PPP1R42: variants seen among roughly 807,000 people sequenced by gnomAD.
PPP1R42 encodes the protein protein phosphatase 1 regulatory subunit 42.
In PPP1R42, 34 loss-of-function variants were observed where a neutral mutation model predicts 31.0. The ratio of observed to expected loss-of-function variants is 1.10; its 90% CI spans 0.83 to 1.46. The LOEUF (loss-of-function observed/expected upper bound fraction) is 1.46, where lower values mean the gene tolerates loss of function less well. PPP1R42 is among the 40% of genes most tolerant of loss of function. The probability of loss-of-function intolerance (pLI) is 0.00; values close to 1 mark genes in which losing one functional copy is unlikely to be tolerated. For missense variants in PPP1R42, 268 were observed against 303.0 expected (o/e 0.88, Z 0.86); for synonymous variants, 103 against 109.8 (o/e 0.94, Z 0.39).
chr8:67,010,589 T>C (rs1403720958), intron 5 of PPP1R42, 126 bp downstream of exon 5: 4 of 683,800 alleles, frequency 5.8e-6, no homozygotes, highest in Non-Finnish European at 9.9e-6. Context: ...AGGGATTCAT[T>C]AGCTAATTTT....
At chr8:66,976,651 A>G (rs954642815) in intron 7 of PPP1R42, among the ~76,000 whole-genome samples, 1 of 150,984 alleles carries the variant, frequency 6.6e-6, no homozygotes, top group Non-Finnish European at 1.5e-5. Context: ...GAGTGAGAAC[A>G]TGCACCATTT....
At chr8:67,020,345 C>T (rs965922009) in intron 1 of PPP1R42, among the ~76,000 whole-genome samples, 2 of 152,022 alleles carry the variant, frequency 1.3e-5, no homozygotes, top group African/African-American at 4.8e-5. Flanking sequence ...GATTAACAGG[C>T]GCCTGCCACC....
intron 6 of PPP1R42, chr8:66,984,352 G>T: frequency 7.8e-7 from 1 of 1,287,544 alleles, no homozygotes; most frequent in Non-Finnish European, 1.1e-6. Context: ...ATCTCCCTTT[G>T]TGTTAGATGT....
At chr8:66,969,607 TA>T (rs1336452968) in intron 7 of PPP1R42, among the ~76,000 whole-genome samples, 1 of 152,148 alleles carries the variant, frequency 6.6e-6, no homozygotes, top group Non-Finnish European at 1.5e-5. Context: ...CTGCAGGGAA[TA>T]GGGGTAGGAC....
At chr8:67,018,848 G>T in intron 1 of PPP1R42, among the ~76,000 whole-genome samples, 2 of 95,210 alleles carry the variant, frequency 2.1e-5, no homozygotes, top group Non-Finnish European at 1.9e-5. Context: ...TTTTTTTTTA[G>T]GGACGGAGTC....
chr8:66,989,267 G>A (rs1055319171), intron 5 of PPP1R42, among the ~76,000 whole-genome samples: 1 of 152,182 alleles, frequency 6.6e-6, no homozygotes, highest in Non-Finnish European at 1.5e-5. Context: ...CCAAATAAAT[G>A]TAAGGAAAAC....
intron 6 of PPP1R42, chr8:66,985,844 C>A (rs1814993066): frequency 1.7e-6 from 2 of 1,201,142 alleles, no homozygotes; most frequent in African/African-American, 3.0e-5. Context: ...TGATGGAGGC[C>A]CAGGGATCAC....
chr8:67,001,976 C>G (rs1389849182), intron 5 of PPP1R42, among the ~76,000 whole-genome samples: 1 of 152,036 alleles, frequency 6.6e-6, no homozygotes, highest in Non-Finnish European at 1.5e-5. Context: ...CAAAAATTAT[C>G]TCAGGTTTTA....
At chr8:67,020,776 T>A (rs1377650263) in intron 1 of PPP1R42, among the ~76,000 whole-genome samples, 1 of 152,238 alleles carries the variant, frequency 6.6e-6, no homozygotes, top group Admixed American at 6.5e-5. Context: ...ACCAGAAATA[T>A]ATCAGGACTG....
chr8:66,991,153 G>C (rs1173419103), intron 5 of PPP1R42, among the ~76,000 whole-genome samples: 3 of 152,088 alleles, frequency 2.0e-5, no homozygotes, highest in African/African-American at 7.2e-5. Flanking sequence ...AAACTTTACA[G>C]ACTTAAAAAC....
chr8:66,966,495 G>T (rs1196401266), intron 7 of PPP1R42, among the ~76,000 whole-genome samples: 1 of 152,172 alleles, frequency 6.6e-6, no homozygotes, highest in Non-Finnish European at 1.5e-5. Flanking sequence ...TTTAAAATTT[G>T]TTTGGATAGG....
At chr8:66,992,901 C>T (rs1000269263) in intron 5 of PPP1R42, among the ~76,000 whole-genome samples, 6 of 152,134 alleles carry the variant, frequency 3.9e-5, no homozygotes, top group African/African-American at 1.4e-4. Context: ...GCAATCTTGT[C>T]GATGATAGTA....
intron 1 of PPP1R42, among the ~76,000 whole-genome samples, chr8:67,020,025 T>C (rs1478388452): frequency 6.6e-6 from 1 of 152,138 alleles, no homozygotes. Flanking sequence ...ATAGAGACCA[T>C]ATGTCTGAAA....
At chr8:66,969,796 T>C (rs1814491971) in intron 7 of PPP1R42, among the ~76,000 whole-genome samples, 1 of 152,250 alleles carries the variant, frequency 6.6e-6, no homozygotes. Flanking sequence ...TCTGTTTACT[T>C]TCTCAATGAA....
intron 1 of PPP1R42, among the ~76,000 whole-genome samples, chr8:67,028,026 G>T (rs1194317650): frequency 6.6e-6 from 1 of 152,046 alleles, no homozygotes; most frequent in Non-Finnish European, 1.5e-5. Context: ...TACATGGGTG[G>T]AATCCATTTT....
intron 6 of PPP1R42, among the ~76,000 whole-genome samples, chr8:66,983,248 G>T (rs989944350): frequency 8.6e-5 from 13 of 151,520 alleles, no homozygotes. Flanking sequence ...TATTAGTTTT[G>T]CATCCTGCTT....
chr8:66,982,951 C>CTTT (rs199626734), intron 6 of PPP1R42, among the ~76,000 whole-genome samples: 1 of 136,316 alleles, frequency 7.3e-6, no homozygotes. Flanking sequence ...TAATTAAAAG[C>CTTT]TTTTTTTTTT....
intron 6 of PPP1R42, among the ~76,000 whole-genome samples, chr8:66,987,121 T>A (rs1815041993): frequency 6.6e-6 from 1 of 152,120 alleles, no homozygotes; most frequent in Non-Finnish European, 1.5e-5. Flanking sequence ...GAGATATATG[T>A]AATCAATACA....
chr8:67,008,032 G>A (rs985397070), intron 5 of PPP1R42, among the ~76,000 whole-genome samples: 19 of 151,582 alleles, frequency 1.3e-4, no homozygotes, highest in South Asian at 2.1e-4. Flanking sequence ...GACTACAGGC[G>A]CCTGCCACCA....
Sources: gnomAD v4.1 joint callset for allele counts (sites outside exome capture counted in the v4.1 genomes callset) on GRCh38, gnomAD v4.1.1 for gene constraint, MANE v1.5 for transcripts, NCBI Gene and HGNC (gene_info 2026-07-23, HGNC 2026-07-21) for gene names.